The following NAV2 variants were observed in gnomAD, a reference collection of about 807,000 sequenced individuals.
The protein encoded by NAV2 is neuron navigator 2.
Under a neutral mutation model 223.2 loss-of-function variants are expected in NAV2, and 54 were observed. The observed-to-expected ratio is 0.24, with a 90% CI of 0.19 to 0.30. The LOEUF (loss-of-function observed/expected upper bound fraction) is 0.30. Ranked by LOEUF, NAV2 falls within the 10% of genes least tolerant of loss-of-function variation. NAV2 has a pLI of 1.00. For synonymous variants in NAV2, 1,279 were observed against 1,239.3 expected (o/e 1.03, Z -0.67); for missense variants, 2,806 against 3,147.5 (o/e 0.89, Z 2.60).
At chr11:20,115,302 C>T (rs955120163) in intron 37 of NAV2, among the ~76,000 whole-genome samples, 2 of 152,078 alleles carry the variant, frequency 1.3e-5, no homozygotes, top group Non-Finnish European at 2.9e-5. Context: ...ACTGTTTAAG[C>T]TTCTTATTTA....
chr11:19,444,735 T>C (rs937700786), intron 1 of NAV2, among the ~76,000 whole-genome samples: 1 of 151,138 alleles, frequency 6.6e-6, no homozygotes, highest in Admixed American at 6.6e-5. Context: ...TTACTAATTA[T>C]TATATTATTA....
At position 19,925,747 on chromosome 11, in the gene NAV2, CAAAA is replaced by C. The variant is rs748662441; in HGVS notation, c.932-7415_932-7412del. On this transcript the variant is annotated intron_variant, in intron 6 of 37. Transcript: ENST00000349880. ...TGGGCAACAGAGTAAGATTCTGTCT[CAAAA>C]AAAAAAAAAAAAAGAATCCAACTTT... Among the ~76,000 whole-genome samples the C allele has an allele frequency of 2.5e-3, 237 of 95,780 alleles. 3 individuals carry two copies. The highest frequency in any genetic ancestry group is 0.011 in the Admixed American group (94 of 8,398). 62.8% of individuals were successfully genotyped at this position (95,780 alleles called of 152,430 possible).
At chr11:19,780,371 C>G (rs562259392) in intron 1 of NAV2, among the ~76,000 whole-genome samples, 3 of 152,356 alleles carry the variant, frequency 2.0e-5, no homozygotes, top group East Asian at 3.9e-4. Context: ...CCCTCCACAC[C>G]CTAGTTCCCT....
chr11:19,844,803 TTGTG>T (rs2060697160), intron 3 of NAV2, among the ~76,000 whole-genome samples: 1 of 151,874 alleles, frequency 6.6e-6, no homozygotes, highest in South Asian at 2.1e-4. Context: ...GTTTTTGTTT[TTGTG>T]TGTGTGAACT....
chr11:19,612,205 A>G (rs2046666155), intron 1 of NAV2, among the ~76,000 whole-genome samples: 1 of 152,152 alleles, frequency 6.6e-6, no homozygotes, highest in Admixed American at 6.5e-5. Flanking sequence ...CAGCACAGGA[A>G]CCCTGGGCCT....
chr11:19,422,003 T>C (rs1850634515), intron 1 of NAV2, among the ~76,000 whole-genome samples: 1 of 152,150 alleles, frequency 6.6e-6, no homozygotes, highest in African/African-American at 2.4e-5. Flanking sequence ...CGAAAAGCTT[T>C]ATACCTGCAT....
intron 1 of NAV2, among the ~76,000 whole-genome samples, chr11:19,460,571 T>C (rs1042315508): frequency 6.7e-6 from 1 of 148,370 alleles, no homozygotes; most frequent in Non-Finnish European, 1.5e-5. Context: ...ACACCGCATG[T>C]TCTCACTCAT....
intron 1 of NAV2, among the ~76,000 whole-genome samples, chr11:19,689,372 G>A (rs1430199311): frequency 6.6e-6 from 1 of 152,204 alleles, no homozygotes; most frequent in East Asian, 1.9e-4. Context: ...CCTAGAACCA[G>A]GAATGGGAGG....
At chr11:20,115,772 G>A (rs941851848) in intron 37 of NAV2, among the ~76,000 whole-genome samples, 1 of 152,054 alleles carries the variant, frequency 6.6e-6, no homozygotes, top group Non-Finnish European at 1.5e-5. Context: ...AATTAACTGG[G>A]CATGGTGGCA....
intron 1 of NAV2, among the ~76,000 whole-genome samples, chr11:19,509,727 A>T (rs1026578651): frequency 2.0e-5 from 3 of 152,184 alleles, no homozygotes; most frequent in Admixed American, 6.5e-5. Flanking sequence ...TTTCCCCCCT[A>T]AAGCCTTAGA....
chr11:19,561,789 G>A (rs2045107259), intron 1 of NAV2, among the ~76,000 whole-genome samples: 1 of 152,164 alleles, frequency 6.6e-6, no homozygotes, highest in Non-Finnish European at 1.5e-5. Context: ...GAGGCTCAGG[G>A]AGGTTAAGTG....
At chr11:19,931,889 G>C (rs1471326210) in intron 6 of NAV2, 1 of 152,282 alleles carries the variant, frequency 6.6e-6, no homozygotes, top group Non-Finnish European at 1.5e-5. Flanking sequence ...TGGGGTGTGG[G>C]TGGGTGCGGG....
chr11:19,751,004 T>G (rs1251204536), intron 1 of NAV2, among the ~76,000 whole-genome samples: 2 of 152,218 alleles, frequency 1.3e-5, no homozygotes, highest in African/African-American at 4.8e-5. Flanking sequence ...TACTATCTCT[T>G]GAGAGCCAGT....
intron 3 of NAV2, among the ~76,000 whole-genome samples, chr11:19,852,878 T>C (rs2061225786): frequency 6.6e-6 from 1 of 152,238 alleles, no homozygotes; most frequent in Non-Finnish European, 1.5e-5. Flanking sequence ...TGATGTGACA[T>C]ATCAAATTTT....
At chr11:19,962,786 G>A (rs1591443301) in intron 10 of NAV2, among the ~76,000 whole-genome samples, 2 of 152,150 alleles carry the variant, frequency 1.3e-5, no homozygotes, top group East Asian at 3.9e-4. Flanking sequence ...TGAGCCTAAG[G>A]AGAGGCCCCA....
At chr11:19,386,092 TG>T (rs1231214150) in intron 1 of NAV2, among the ~76,000 whole-genome samples, 1 of 152,202 alleles carries the variant, frequency 6.6e-6, no homozygotes, top group Non-Finnish European at 1.5e-5. Flanking sequence ...GACCCCTCAA[TG>T]TAAAAACAAT....
At chr11:19,518,580 G>A (rs2043538652) in intron 1 of NAV2, 1 of 152,152 alleles carries the variant, frequency 6.6e-6, no homozygotes, top group South Asian at 2.1e-4. Flanking sequence ...CCTTTTGTTG[G>A]GCTTTTCCTT....
At chr11:19,799,327 G>A (rs894224053) in intron 1 of NAV2, among the ~76,000 whole-genome samples, 16 of 152,178 alleles carry the variant, frequency 1.1e-4, no homozygotes, top group South Asian at 2.1e-4. Flanking sequence ...TGAGGAGAGC[G>A]TTCCAGATTA....
Position 20,048,836 on chromosome 11 carries a change from C to T in NAV2, c.4011C>T (p.Asn1337=), listed in dbSNP as rs1008769795. 2 of 1,614,032 alleles carry T rather than the reference C, an allele frequency of 1.2e-6. No homozygotes were observed. Among genetic ancestry groups the T allele is most frequent in the Non-Finnish European group, 1.7e-6 (2 of 1,180,022 alleles). The change falls in exon 15 of 38, where the codon AAC becomes AAT. Residue 1337 remains asparagine, a synonymous_variant. Transcript: ENST00000349880. ...ATGCCACCATGACTCAGCAAGGTAA[C>T]CTAGACTCCCCGTCAGGCAGTGGCG... is the stretch of plus-strand genomic sequence containing the variant. ...NPHATMTQQG[N]LDSPSGSGVL...
Sources: gnomAD v4.1 joint callset for allele counts (sites outside exome capture counted in the v4.1 genomes callset) on GRCh38, gnomAD v4.1.1 for gene constraint, MANE v1.5 for transcripts, NCBI Gene and HGNC (gene_info 2026-07-23, HGNC 2026-07-21) for gene names.